Variants in MCTP2 observed in about 807,000 individuals in gnomAD.
The protein encoded by MCTP2 is multiple C2 and transmembrane domain-containing protein 2.
A neutral mutation model predicts 111.6 loss-of-function variants in MCTP2; 132 were observed. The observed-to-expected ratio is 1.18, with a 90% confidence interval of 1.03 to 1.37. MCTP2 has a LOEUF of 1.37. MCTP2 is among the 40% of genes most tolerant of loss of function. The pLI is 0.00. For missense variants in MCTP2, 1,183 were observed against 1,067.9 expected, an observed-to-expected ratio of 1.11 and a Z score of -1.50; for synonymous variants, 395 against 387.7, an observed-to-expected ratio of 1.02 and a Z score of -0.22.
At chr15:94,423,180 T>C (rs1277396422) in intron 17 of MCTP2, among the ~76,000 whole-genome samples, 1 of 152,216 alleles carries the variant, frequency 6.6e-6, no homozygotes, top group Non-Finnish European at 1.5e-5. Context: ...ATTATACCTC[T>C]GTCCTTTCAC....
At position 94,258,266 on chromosome 15, in the gene MCTP2, A is replaced by T. The variant is rs75830099; in HGVS notation, c.-66+26602A>T. Among the ~76,000 whole-genome samples, 960 of 152,282 alleles carry T rather than the reference A, an allele frequency of 6.3e-3. 11 individuals are homozygous for T. Among genetic ancestry groups the T allele is most frequent in the African/African-American group, 0.02 (850 of 41,544 alleles). ...TCACAACTAAATGAATGCTTCAGTTATCCAGATTTCTCTAAGCCCAGGTTA... is the reference window on the plus strand; with the variant it reads ...TCACAACTAAATGAATGCTTCAGTTTTCCAGATTTCTCTAAGCCCAGGTTA... On this transcript the variant is annotated intron_variant, in intron 1 of 22. Transcript: ENST00000357742.
At chr15:94,326,057 G>A (rs888491062) in intron 4 of MCTP2, among the ~76,000 whole-genome samples, 3 of 151,988 alleles carry the variant, frequency 2.0e-5, no homozygotes, top group Non-Finnish European at 4.4e-5. Context: ...CTGACCTTGT[G>A]ATCTGCCTGC....
chr15:94,297,135 C>G (rs945314684), intron 1 of MCTP2, among the ~76,000 whole-genome samples: 2 of 152,204 alleles, frequency 1.3e-5, no homozygotes, highest in African/African-American at 2.4e-5. Context: ...CAGTGTCTGC[C>G]CATCCTGTTC....
At chr15:94,287,357 T>C (rs769504185) in intron 1 of MCTP2, among the ~76,000 whole-genome samples, 2 of 152,178 alleles carry the variant, frequency 1.3e-5, no homozygotes, top group Non-Finnish European at 2.9e-5. Flanking sequence ...TTCTGGAAAA[T>C]ATATTGTTCT....
intron 19 of MCTP2, among the ~76,000 whole-genome samples, chr15:94,451,733 A>G (rs2084475500): frequency 6.6e-6 from 1 of 152,238 alleles, no homozygotes; most frequent in Non-Finnish European, 1.5e-5. Flanking sequence ...GAAATGTGTA[A>G]ATAAAGCCAG....
At chr15:94,277,718 A>C (rs2152308959) in intron 1 of MCTP2, among the ~76,000 whole-genome samples, 1 of 152,304 alleles carries the variant, frequency 6.6e-6, no homozygotes, top group South Asian at 2.1e-4. Flanking sequence ...TATGACGTAC[A>C]GAAACTACTC....
intron 14 of MCTP2, among the ~76,000 whole-genome samples, chr15:94,388,978 G>T (rs1250214949): frequency 6.6e-6 from 1 of 152,194 alleles, no homozygotes; most frequent in Admixed American, 6.5e-5. Context: ...TCAGGGTCGG[G>T]GTTGGGGGGT....
chr15:94,234,440 C>T (rs993956754), intron 1 of MCTP2, among the ~76,000 whole-genome samples: 4 of 152,182 alleles, frequency 2.6e-5, no homozygotes, highest in Non-Finnish European at 4.4e-5. Flanking sequence ...TCCCCTCTCC[C>T]TGAGAACACT....
intron 1 of MCTP2, among the ~76,000 whole-genome samples, chr15:94,282,925 AAGTGTTCAC>A (rs978598613): frequency 6.6e-5 from 10 of 152,162 alleles, no homozygotes; most frequent in African/African-American, 2.4e-4. Flanking sequence ...GGAGGAGCTG[AAGTGTTCAC>A]AGTCCCCTAG....
chr15:94,327,474 A>G (rs1471158487), intron 4 of MCTP2, among the ~76,000 whole-genome samples: 3 of 152,218 alleles, frequency 2.0e-5, no homozygotes, highest in African/African-American at 4.8e-5. Context: ...GTTTTATTGT[A>G]TTGAAAATTC....
intron 4 of MCTP2, among the ~76,000 whole-genome samples, chr15:94,327,645 T>C (rs1202104156): frequency 6.6e-6 from 1 of 152,278 alleles, no homozygotes; most frequent in African/African-American, 2.4e-5. Flanking sequence ...ACACCCATTC[T>C]GTAACACAGG....
At chr15:94,467,232 TAGGCTACAAAGTTAATA>T (rs2152536887) in intron 20 of MCTP2, among the ~76,000 whole-genome samples, 1 of 152,266 alleles carries the variant, frequency 6.6e-6, no homozygotes, top group African/African-American at 2.4e-5. Flanking sequence ...TTTTACATTA[TAGGCTACAAAGTTAATA>T]AGTAATCTTC....
At chr15:94,244,604 A>C (rs1414364938) in intron 1 of MCTP2, among the ~76,000 whole-genome samples, 1 of 148,492 alleles carries the variant, frequency 6.7e-6, no homozygotes, top group African/African-American at 2.5e-5. Context: ...CTATGTTTAT[A>C]TACGTATATG....
intron 1 of MCTP2, among the ~76,000 whole-genome samples, chr15:94,269,690 G>T (rs1034394212): frequency 2.6e-5 from 4 of 152,088 alleles, no homozygotes; most frequent in African/African-American, 9.7e-5. Flanking sequence ...TATAACCAAG[G>T]TTCTGAAGAA....
chr15:94,341,180 G>A (rs1339344320), intron 7 of MCTP2: 1 of 394,304 alleles, frequency 2.5e-6, no homozygotes, highest in Admixed American at 4.1e-5. Flanking sequence ...CAGCATTTTG[G>A]TTTCTTCTTT....
At chr15:94,411,132 G>A (rs768619011) in intron 17 of MCTP2, among the ~76,000 whole-genome samples, 69 of 152,268 alleles carry the variant, frequency 4.5e-4, no homozygotes, top group Non-Finnish European at 8.4e-4. Flanking sequence ...ACCTGGATGT[G>A]CAAACATTTT....
chr15:94,431,066 A>G (rs925629523), intron 17 of MCTP2, among the ~76,000 whole-genome samples: 5 of 152,092 alleles, frequency 3.3e-5, no homozygotes, highest in South Asian at 2.1e-4. Flanking sequence ...CTCATATACA[A>G]TCTAAGCTAC....
At chr15:94,404,878 C>A (rs921010341) in intron 17 of MCTP2, among the ~76,000 whole-genome samples, 5 of 152,162 alleles carry the variant, frequency 3.3e-5, no homozygotes, top group African/African-American at 1.2e-4. Context: ...TATGCAACTG[C>A]CATATCTGTC....
At chr15:94,392,634 G>A (rs911590820) in intron 14 of MCTP2, among the ~76,000 whole-genome samples, 6 of 151,866 alleles carry the variant, frequency 4.0e-5, no homozygotes, top group Non-Finnish European at 8.8e-5. Flanking sequence ...CCAACATGGT[G>A]AAACCCTGTT....
Sources: gnomAD v4.1 joint callset for allele counts (sites outside exome capture counted in the v4.1 genomes callset) on GRCh38, gnomAD v4.1.1 for gene constraint, MANE v1.5 for transcripts, NCBI Gene and HGNC (gene_info 2026-07-23, HGNC 2026-07-21) for gene names.